The following ACTA2 variants were observed in gnomAD, a reference collection of about 807,000 sequenced individuals.
ACTA2 encodes the protein actin, aortic smooth muscle.
ACTA2 carries 12 observed loss-of-function variants against 39.5 expected under a neutral mutation model. The observed-to-expected ratio is 0.30, with a 90% CI of 0.19 to 0.49. The LOEUF (loss-of-function observed/expected upper bound fraction) is 0.49, where lower values mean the gene tolerates loss of function less well. Ranked by LOEUF, ACTA2 falls within the 20% of genes least tolerant of loss-of-function variation. The pLI is 0.99. For synonymous variants in ACTA2, 158 were observed against 180.6 expected (o/e 0.88, Z 1.00); for missense variants, 236 against 498.8 (o/e 0.47, Z 5.02).
intron 1 of ACTA2, among the ~76,000 whole-genome samples, chr10:88,970,799 C>T (rs1164166598): frequency 1.3e-5 from 2 of 152,032 alleles, no homozygotes; most frequent in Non-Finnish European, 2.9e-5. Flanking sequence ...AGCACACCAA[C>T]ATGGCACGTG....
chr10:88,980,431 T>C (rs1333710202), intron 1 of ACTA2, among the ~76,000 whole-genome samples: 1 of 152,086 alleles, frequency 6.6e-6, no homozygotes, highest in African/African-American at 2.4e-5. Flanking sequence ...GCCAGAACTG[T>C]GGTGTCTGGT....
At chr10:88,958,371 A>C (rs1023592643) in intron 1 of ACTA2, among the ~76,000 whole-genome samples, 3 of 152,220 alleles carry the variant, frequency 2.0e-5, no homozygotes, top group Admixed American at 2.0e-4. Flanking sequence ...TTTGCTCTAC[A>C]TACATAAACT....
At chr10:88,982,529 T>G (rs140778674) in intron 1 of ACTA2, among the ~76,000 whole-genome samples, 5 of 152,048 alleles carry the variant, frequency 3.3e-5, no homozygotes, top group African/African-American at 7.2e-5. Flanking sequence ...AAGGCAGAGA[T>G]TCACTGAGGG....
chr10:88,975,120 A>G (rs962036514), intron 1 of ACTA2: 4 of 151,600 alleles, frequency 2.6e-5, no homozygotes, highest in African/African-American at 9.7e-5. Context: ...TTACCCACTG[A>G]AGTGAAAGTG....
intron 1 of ACTA2, among the ~76,000 whole-genome samples, chr10:88,984,499 C>T (rs1846815985): frequency 1.3e-5 from 2 of 152,216 alleles, no homozygotes; most frequent in Admixed American, 1.3e-4. Flanking sequence ...AAATGTGATT[C>T]TGCATTTAAG....
chr10:88,957,523 T>C (rs368358049), upstream of ACTA2, among the ~76,000 whole-genome samples: 5 of 152,324 alleles, frequency 3.3e-5, no homozygotes, highest in East Asian at 9.6e-4. Flanking sequence ...CTGCCTTATC[T>C]ACCCCAACTC....
chr10:88,956,670 GC>G (rs2133290671), upstream of ACTA2, among the ~76,000 whole-genome samples: 1 of 152,282 alleles, frequency 6.6e-6, no homozygotes, highest in Non-Finnish European at 1.5e-5. Flanking sequence ...ACATGTCAAG[GC>G]TTTTATACCA....
At chr10:88,956,374 C>T (rs369290471), upstream of ACTA2, among the ~76,000 whole-genome samples, 442 of 152,304 alleles carry the variant, frequency 2.9e-3, 1 homozygote, top group Middle Eastern at 0.01. Flanking sequence ...TTCTTCAAAG[C>T]CTGCAGCAGA....
intron 8 of ACTA2, chr10:88,935,661 C>T: frequency 8.1e-6 from 3 of 368,628 alleles, no homozygotes; most frequent in Non-Finnish European, 1.6e-5. Context: ...CCATGGCCCC[C>T]ACTTAAGAAC....
chr10:88,960,711 A>G (rs899209024), intron 1 of ACTA2, among the ~76,000 whole-genome samples: 3 of 123,576 alleles, frequency 2.4e-5, no homozygotes, highest in Middle Eastern at 3.6e-3. Context: ...GAGCTACAAT[A>G]CCATTATTGA....
chr10:88,981,312 A>G (rs1210246922), intron 1 of ACTA2, among the ~76,000 whole-genome samples: 2 of 152,220 alleles, frequency 1.3e-5, no homozygotes, highest in African/African-American at 4.8e-5. Context: ...TGCATAAAGC[A>G]CTTTTCCTGT....
intron 2 of ACTA2, 31 bp downstream of exon 2, chr10:88,948,771 C>T (rs1845998540): frequency 6.2e-7 from 1 of 1,613,430 alleles, no homozygotes; most frequent in African/African-American, 1.3e-5. Flanking sequence ...TAATCTGTGT[C>T]CTGTTATGTT....
At chr10:88,971,352 A>G (rs1846442309) in intron 1 of ACTA2, among the ~76,000 whole-genome samples, 1 of 152,250 alleles carries the variant, frequency 6.6e-6, no homozygotes, top group South Asian at 2.1e-4. Context: ...AGAAAACTTC[A>G]TGCAGTATGT....
At position 88,935,146 on chromosome 10, in the gene ACTA2, T is replaced by C. The variant is rs1231034285; in HGVS notation, c.*77A>G. ...GTCAGAGCTTTGGCTAGGAATGATT[T>C]GGAAAAGAACTGAAGGCATAATTCC... is the stretch of plus-strand genomic sequence containing the variant. On this transcript the variant is annotated 3_prime_UTR_variant, in exon 9 of 9. Transcript: ENST00000224784. The C allele has an allele frequency of 1.3e-6, 2 of 1,586,752 alleles. No individual in the cohort carries two copies. The highest frequency in any genetic ancestry group is 3.3e-5 in the Admixed American group (2 of 59,732).
intron 8 of ACTA2, among the ~76,000 whole-genome samples, chr10:88,936,348 G>T (rs1341848332): frequency 6.6e-6 from 1 of 152,126 alleles, no homozygotes; most frequent in Non-Finnish European, 1.5e-5. Context: ...TAGATTTTCA[G>T]AAAAGTTGTA....
chr10:88,949,082 A>G lies in ACTA2; in HGVS notation c.-23-129T>C, dbSNP rs1249900201. 5 of 786,300 alleles carry G rather than the reference A, an allele frequency of 6.4e-6. No homozygotes were observed. The Admixed American group carries it at 1.1e-4, about 17-fold the overall frequency. The allele number at this position is 786,300 out of a possible 1,614,324, so 48.7% of individuals were successfully genotyped here. ...GTCCTAGTGCTATCCTCTGACCCTT[A>G]TCTAATATAGCATGTATCTGGAAGT... On this transcript the variant is annotated intron_variant, in intron 1 of 8. Transcript: ENST00000224784.
At chr10:88,953,970 G>C (rs1846093464), upstream of ACTA2, among the ~76,000 whole-genome samples, 2 of 152,160 alleles carry the variant, frequency 1.3e-5, no homozygotes, top group African/African-American at 4.8e-5. Flanking sequence ...TTATAGCAAT[G>C]TGAAAATGGA....
At position 88,935,462 on chromosome 10, in the gene ACTA2, GT is replaced by G. The variant is rs1262671694; in HGVS notation, c.991-97del. 25 of 1,424,346 alleles carry G rather than the reference GT, an allele frequency of 1.8e-5. No homozygotes were observed. In the African/African-American group the frequency reaches 3.5e-4, roughly 20 times the overall value. 88.2% of individuals were successfully genotyped at this position (1,424,346 alleles called of 1,614,324 possible). ...AGCCTGGATGTTCTACCATGGCCTA[GT>G]TTCTTGTTCAGCAGGGACACAGGCT... On this transcript the variant is annotated intron_variant, in intron 8 of 8. Transcript: ENST00000224784.
At chr10:88,986,353 C>T (rs1846884079) in intron 1 of ACTA2, among the ~76,000 whole-genome samples, 3 of 152,176 alleles carry the variant, frequency 2.0e-5, no homozygotes, top group South Asian at 4.1e-4. Context: ...GAGGGGTACT[C>T]AATTGGATTA....
Sources: allele counts gnomAD v4.1 joint callset (sites outside exome capture counted in the v4.1 genomes callset), GRCh38; gene constraint gnomAD v4.1.1; transcripts MANE v1.5; gene names NCBI Gene and HGNC (gene_info 2026-07-23, HGNC 2026-07-21).